C3orf52: variants seen among roughly 807,000 people sequenced by gnomAD.
C3orf52 encodes the protein chromosome 3 open reading frame 52.
C3orf52 carries 22 observed loss-of-function variants against 24.8 expected under a neutral mutation model. That is an observed-to-expected ratio of 0.89 (90% CI 0.63 to 1.27). The LOEUF (loss-of-function observed/expected upper bound fraction) is 1.27. Among genes scored for constraint, C3orf52 ranks in the 50% most tolerant of loss-of-function variants. The pLI is 0.00. For synonymous variants in C3orf52, 93 were observed against 100.2 expected (o/e 0.93, Z 0.43); for missense variants, 265 against 260.7 (o/e 1.02, Z -0.11).
intron 4 of C3orf52, among the ~76,000 whole-genome samples, chr3:112,126,308 C>G (rs1216050338): frequency 6.6e-6 from 1 of 152,152 alleles, no homozygotes; most frequent in Non-Finnish European, 1.5e-5. Context: ...AAGGAAAAGT[C>G]AAAACTCTTC....
chr3:112,093,244 T>C (rs1387609010), intron 1 of C3orf52, 116 bp from the exon 2 acceptor site: 2 of 995,544 alleles, frequency 2.0e-6, no homozygotes, highest in Non-Finnish European at 2.9e-6. Flanking sequence ...AGTAGAGTGT[T>C]GCCCTAAGGT....
intron 3 of C3orf52, among the ~76,000 whole-genome samples, chr3:112,108,211 A>T (rs746553914): frequency 6.6e-6 from 1 of 152,214 alleles, no homozygotes; most frequent in Non-Finnish European, 1.5e-5. Flanking sequence ...TGAGAAATTC[A>T]GAGATGAAAA....
chr3:112,106,316 C>CT (rs1450626795), intron 3 of C3orf52, among the ~76,000 whole-genome samples: 2 of 151,964 alleles, frequency 1.3e-5, no homozygotes, highest in South Asian at 2.1e-4. Flanking sequence ...TGATATCAAG[C>CT]TCCTGGCCTC....
intron 4 of C3orf52, chr3:112,127,130 G>T (rs1280161899): frequency 1.4e-6 from 1 of 733,508 alleles, no homozygotes; most frequent in Non-Finnish European, 2.3e-6. Context: ...CTTTGTTAAA[G>T]TTATATACCT....
chr3:112,092,081 C>T (rs1559969666), intron 1 of C3orf52, among the ~76,000 whole-genome samples: 5 of 151,872 alleles, frequency 3.3e-5, no homozygotes. Context: ...GAGCGAGTCT[C>T]CTCGAGTGCC....
intron 5 of C3orf52, 21 bp downstream of exon 5, chr3:112,113,166 A>G (rs767517530): frequency 1.9e-6 from 3 of 1,565,562 alleles, no homozygotes; most frequent in Middle Eastern, 1.7e-4. Flanking sequence ...CAAGTAAAGA[A>G]GTCAGAGTTG....
intron 4 of C3orf52, chr3:112,123,637 C>G (rs914169740): frequency 6.2e-7 from 1 of 1,614,184 alleles, no homozygotes. Flanking sequence ...CCCAAGGACT[C>G]TCTGGGTCTC....
downstream of C3orf52, among the ~76,000 whole-genome samples, chr3:112,119,191 T>G (rs1476310662): frequency 6.6e-6 from 1 of 152,138 alleles, no homozygotes; most frequent in Non-Finnish European, 1.5e-5. Context: ...GAGACCAGCC[T>G]GACAAACATG....
intron 3 of C3orf52, among the ~76,000 whole-genome samples, chr3:112,107,083 G>C (rs1408916216): frequency 6.6e-6 from 1 of 152,156 alleles, no homozygotes; most frequent in Admixed American, 6.5e-5. Context: ...TGATCAAAAA[G>C]AATCTTCGAG....
chr3:112,091,800 C>T (rs2073879472), intron 1 of C3orf52, among the ~76,000 whole-genome samples: 4 of 152,008 alleles, frequency 2.6e-5, no homozygotes, highest in African/African-American at 2.4e-5. Flanking sequence ...GTCAGGAGAT[C>T]GAGACCATCC....
chr3:112,087,878 T>G (rs1008069977), intron 1 of C3orf52, among the ~76,000 whole-genome samples: 4 of 152,202 alleles, frequency 2.6e-5, no homozygotes, highest in African/African-American at 9.7e-5. Context: ...GTGACAGTTT[T>G]GCCACTAAGA....
downstream of C3orf52, chr3:112,121,124 A>G (rs117397354): frequency 2.7e-4 from 41 of 152,298 alleles, no homozygotes; most frequent in East Asian, 7.3e-3. Flanking sequence ...ATTTATATTT[A>G]ATGTGTCCCT....
At chr3:112,112,679 G>T in intron 4 of C3orf52, 1 of 414,352 alleles carries the variant, frequency 2.4e-6, no homozygotes. Context: ...CATCTTGACT[G>T]GAGATGGGCA....
At chr3:112,092,915 C>G (rs2073892450) in intron 1 of C3orf52, among the ~76,000 whole-genome samples, 1 of 152,170 alleles carries the variant, frequency 6.6e-6, no homozygotes, top group Non-Finnish European at 1.5e-5. Flanking sequence ...GTTTCCAGTG[C>G]ACACCCAATT....
chr3:112,099,421 TCTG>T (rs1342492311), intron 2 of C3orf52, among the ~76,000 whole-genome samples: 7 of 152,208 alleles, frequency 4.6e-5, no homozygotes, highest in Non-Finnish European at 8.8e-5. Flanking sequence ...TTATTTTAGT[TCTG>T]CTACTATCCA....
chr3:112,105,748 G>A (rs529293604), intron 3 of C3orf52, among the ~76,000 whole-genome samples: 37 of 151,408 alleles, frequency 2.4e-4, no homozygotes, highest in African/African-American at 7.1e-4. Context: ...GTGTGAACCC[G>A]GCAGGCAGAG....
intron 2 of C3orf52, among the ~76,000 whole-genome samples, chr3:112,097,187 C>G (rs1200260120): frequency 6.6e-6 from 1 of 152,204 alleles, no homozygotes; most frequent in Non-Finnish European, 1.5e-5. Flanking sequence ...TTTGGAGGAT[C>G]AGTTGAGTGT....
rs943234508 is a variant in C3orf52 at position 112,116,730 on chromosome 3, G to T, written c.*84G>T. On this transcript the variant is annotated 3_prime_UTR_variant, in exon 6 of 6. Coordinates refer to ENST00000264848, the MANE Select transcript of C3orf52 (RefSeq NM_024616.3). ...GGAATTCACTCTGTTTTGCAGAAAA[G>T]ATTCTGTGGATTAATACAGAAGCAC... 18 of 1,557,112 alleles carry T rather than the reference G, an allele frequency of 1.2e-5. 1 individual carries two copies. The highest frequency in any genetic ancestry group is 1.5e-5 in the Non-Finnish European group (17 of 1,149,784).
rs561200550 is a variant in C3orf52, at chr3:112,127,917, G to C, written c.*47-316G>C. On this transcript the variant is annotated intron_variant, in intron 4 of 4. Transcript: ENST00000480282. Reference sequence around the variant, plus strand: ...GTGATTGTATCTGGGCTACTGACAGGCTTCCACTGTGGCCACAGACAGTCA... The same window carrying C: ...GTGATTGTATCTGGGCTACTGACAGCCTTCCACTGTGGCCACAGACAGTCA... 4.2e-4 allele frequency: 387 copies of C among 931,700 alleles called. 3 individuals carry two copies. The South Asian group carries it at 4.4e-3, about 11-fold the overall frequency. 57.7% of individuals were successfully genotyped at this position (931,700 alleles called of 1,614,324 possible). A position where few individuals can be genotyped will look rare whatever the true frequency, so the allele number is the denominator to read the frequency against.
Sources: allele counts gnomAD v4.1 joint callset (sites outside exome capture counted in the v4.1 genomes callset), GRCh38; gene constraint gnomAD v4.1.1; transcripts MANE v1.5; gene names NCBI Gene and HGNC (gene_info 2026-07-23, HGNC 2026-07-21).